ZBTB32: variants seen among roughly 807,000 people sequenced by gnomAD.
ZBTB32 encodes zinc finger and BTB domain-containing protein 32.
A neutral mutation model predicts 45.3 loss-of-function variants in ZBTB32; 28 were observed. The observed-to-expected ratio is 0.62, with a 90% CI of 0.46 to 0.85. The LOEUF is 0.85. Among genes scored for constraint, ZBTB32 ranks in the 40% least tolerant of loss-of-function variants. The pLI is 0.00. For missense variants in ZBTB32, 587 were observed against 624.4 expected, an observed-to-expected ratio of 0.94 and a Z score of 0.64; for synonymous variants, 283 against 255.7, an observed-to-expected ratio of 1.11 and a Z score of -1.02.
chr19:35,714,473 G>A (rs996499820), intron 2 of ZBTB32, 50 bp from the exon 3 acceptor site: 1 of 762,108 alleles, frequency 1.3e-6, no homozygotes, highest in Non-Finnish European at 2.0e-6. Context: ...CAGGACAGAG[G>A]GCTCTGATCT....
chr19:35,712,024 CAAAAAAAAAAAAA>C (rs773746029), intron 1 of ZBTB32, among the ~76,000 whole-genome samples: 13 of 54,830 alleles, frequency 2.4e-4, no homozygotes, highest in Admixed American at 2.0e-3. Context: ...GACTGCGTCT[CAAAAAAAAAAAAA>C]AAAAAAAAAA....
chr19:35,714,475 C>T (rs1968795844), intron 2 of ZBTB32, 48 bp from the exon 3 acceptor site: 2 of 794,444 alleles, frequency 2.5e-6, no homozygotes, highest in Non-Finnish European at 1.9e-6. Context: ...GGACAGAGGG[C>T]TCTGATCTAG....
chr19:35,708,911 C>A (rs1206481075), intron 1 of ZBTB32, among the ~76,000 whole-genome samples: 1 of 151,858 alleles, frequency 6.6e-6, no homozygotes, highest in African/African-American at 2.4e-5. Context: ...CTCCACCTCC[C>A]GGGTTGAAGC....
Position 35,716,812 on chromosome 19 carries a change from C to T in ZBTB32, c.*60C>T. On this transcript the variant is annotated 3_prime_UTR_variant, in exon 7 of 7. Transcript: ENST00000392197. ...TTAAAGAACGAAAAGCGGGCCGGCT[C>T]GGCTTCTGACCTGGCACCGCTGCTA... The T allele has an allele frequency of 6.5e-7, 1 of 1,547,278 alleles. No individual in the cohort carries two copies. The highest frequency in any genetic ancestry group is 8.8e-7 in the Non-Finnish European group (1 of 1,142,842).
Position 35,714,434 on chromosome 19 carries a change from C to T in ZBTB32, c.-104-89C>T, listed in dbSNP as rs531534290. The T allele has an allele frequency of 1.5e-5, 8 of 533,830 alleles. No homozygotes were observed. The African/African-American group carries it at 1.5e-4, about 10-fold the overall frequency. 33.1% of individuals were successfully genotyped at this position (533,830 alleles called of 1,614,324 possible). On this transcript the variant is annotated intron_variant, in intron 2 of 6. Coordinates refer to ENST00000392197, the MANE Select transcript of ZBTB32 (RefSeq NM_014383.3). ...GCTATGATTCTGGATAAGCTCCAAT[C>T]CTCTCTTGGGTTACTTTATTTGCTC... is the stretch of plus-strand genomic sequence containing the variant.
Position 35,715,950 on chromosome 19 carries a change from C to T in ZBTB32, c.967C>T (p.Gln323Ter). 1 of 1,613,484 alleles carries T rather than the reference C, an allele frequency of 6.2e-7. No homozygotes were observed. Among genetic ancestry groups the T allele is most frequent in the Non-Finnish European group, 8.5e-7 (1 of 1,179,812 alleles). The change falls in exon 5 of 7, where the codon CAG (glutamine) becomes TAG (stop). Residue 323 changes from glutamine to a stop codon, truncating the protein, a stop_gained. Coordinates refer to ENST00000392197, the MANE Select transcript of ZBTB32 (RefSeq NM_014383.3). LOFTEE classifies it high-confidence loss of function. Reference protein sequence around the residue: ...SSSPTPGSLPQGPAQLSPGEM... With the variant: ...SSSPTPGSLP ...ACTGTTCCTTCCAGGTTCCCTCCCC[C>T]AGGGCCCCGCACAGCTCAGCCCTGG...
intron 5 of ZBTB32, 53 bp downstream of exon 5, chr19:35,716,060 C>T (rs1157337138): frequency 1.1e-5 from 17 of 1,611,162 alleles, no homozygotes; most frequent in Non-Finnish European, 1.4e-5. Flanking sequence ...CCTTGATTTC[C>T]TGCCTGAATG....
chr19:35,708,241 A>G (rs1968598145), intron 1 of ZBTB32, among the ~76,000 whole-genome samples: 1 of 152,184 alleles, frequency 6.6e-6, no homozygotes. Flanking sequence ...CATCAGTCAG[A>G]GTCCACTCTC....
chr19:35,707,852 C>G (rs1262858459), intron 1 of ZBTB32, among the ~76,000 whole-genome samples: 2 of 152,068 alleles, frequency 1.3e-5, no homozygotes, highest in East Asian at 3.9e-4. Context: ...TGTCGTGGTG[C>G]GTGCCTGTAG....
intron 1 of ZBTB32, among the ~76,000 whole-genome samples, chr19:35,705,988 A>G (rs1186095782): frequency 6.6e-6 from 1 of 150,872 alleles, no homozygotes; most frequent in Non-Finnish European, 1.5e-5. Context: ...CAGCACTTTG[A>G]GAGGCCAAGG....
chr19:35,716,904 A>G lies in ZBTB32; in HGVS notation c.*152A>G, dbSNP rs2146423423. ...GGCGCCGAGTGCCCTCTCCTGGACGATCGCGGGTCGCAGAAGCCCAGGCCA... is the reference window on the plus strand; with the variant it reads ...GGCGCCGAGTGCCCTCTCCTGGACGGTCGCGGGTCGCAGAAGCCCAGGCCA... On this transcript the variant is annotated 3_prime_UTR_variant, in exon 7 of 7. Transcript: ENST00000392197. The G allele has an allele frequency of 1.1e-6, 1 of 888,542 alleles. No individual in the cohort carries two copies. The allele number at this position is 888,542 out of a possible 1,614,324, so 55.0% of individuals were successfully genotyped here. A position where few individuals can be genotyped will look rare whatever the true frequency, so the allele number is the denominator to read the frequency against.
rs1179225179 is a variant in ZBTB32 at position 35,715,130 on chromosome 19, C to G, written c.504C>G (p.His168Gln). ...GGREQEMLHK[H>Q]SPPRGRPEMA... ...GAGAACAGGAGATGTTGCACAAGCA[C>G]TCGCCACCAAGAGGCAGACCCGAGA... is the stretch of plus-strand genomic sequence containing the variant. Residue 168 changes from histidine to glutamine, a missense_variant, in exon 3 of 7, where the codon CAC (histidine) becomes CAG (glutamine). By Grantham distance (24) the His-to-Gln change is conservative. Coordinates refer to ENST00000392197, the MANE Select transcript of ZBTB32 (RefSeq NM_014383.3). The G allele has an allele frequency of 6.2e-7, 1 of 1,614,022 alleles. No homozygotes were observed. Among genetic ancestry groups the G allele is most frequent in the South Asian group, 1.1e-5 (1 of 91,078 alleles).
At position 35,716,146 on chromosome 19, in the gene ZBTB32, C is replaced by T; in HGVS notation, c.1038C>T (p.Thr346=). ...CTGTCCCCACAGGCGCACTTGCAAC[C>T]TGTGCGGGTCATGAGGACAAGGCAG... ...SDQGHTGALA[T]CAGHEDKAGC... is the part of the protein sequence containing the mutation. Residue 346 remains threonine (T), a synonymous_variant, in exon 6 of 7, where the codon ACC becomes ACT. Transcript: ENST00000392197. 3 of 1,613,826 alleles carry T rather than the reference C, an allele frequency of 1.9e-6. No homozygotes were observed. Among genetic ancestry groups the T allele is most frequent in the Non-Finnish European group, 8.5e-7 (1 of 1,179,928 alleles).
At chr19:35,713,178 A>G (rs1390788159) in intron 2 of ZBTB32, 145 bp downstream of exon 2, 1 of 152,228 alleles carries the variant, frequency 6.6e-6, no homozygotes, top group East Asian at 1.9e-4. Context: ...CCACAGATAC[A>G]CTTCTTTGAC....
chr19:35,710,925 GC>G (rs1968674192), intron 1 of ZBTB32, among the ~76,000 whole-genome samples: 1 of 152,118 alleles, frequency 6.6e-6, no homozygotes, highest in Non-Finnish European at 1.5e-5. Context: ...AGTGCAAAGG[GC>G]CCTGGAGATA....
At chr19:35,714,372 T>A (rs1968793024) in intron 2 of ZBTB32, 151 bp from the exon 3 acceptor site, 1 of 369,160 alleles carries the variant, frequency 2.7e-6, no homozygotes. Context: ...GTCCTGAATT[T>A]GGTCTGATTT....
intron 1 of ZBTB32, among the ~76,000 whole-genome samples, chr19:35,708,001 C>T (rs1968592318): frequency 6.6e-6 from 1 of 152,044 alleles, no homozygotes; most frequent in African/African-American, 2.4e-5. Context: ...AAGAGTTAGT[C>T]CCATGGGTGA....
intron 6 of ZBTB32, 77 bp downstream of exon 6, chr19:35,716,374 T>G: frequency 6.3e-7 from 1 of 1,593,766 alleles, no homozygotes; most frequent in East Asian, 2.2e-5. Flanking sequence ...GTGTGCCCGG[T>G]TCCCGCGCAA....
chr19:35,716,983 A>T lies in ZBTB32; in HGVS notation c.*231A>T. 6.9e-6 allele frequency: 4 copies of T among 577,426 alleles called. No individual in the cohort carries two copies. The highest frequency in any genetic ancestry group is 6.7e-5 in the South Asian group (3 of 44,582). 35.8% of individuals were successfully genotyped at this position (577,426 alleles called of 1,614,324 possible). On this transcript the variant is annotated 3_prime_UTR_variant, in exon 7 of 7. Transcript: ENST00000392197. ...GTGTGCAGGAGCGAAGGTTAACAGT[A>T]GGGGAGATTGTCGATCTCATCACCA...
Sources: gnomAD v4.1 joint callset for allele counts (sites outside exome capture counted in the v4.1 genomes callset) on GRCh38, gnomAD v4.1.1 for gene constraint, MANE v1.5 for transcripts, NCBI Gene and HGNC (gene_info 2026-07-23, HGNC 2026-07-21) for gene names.